The following CHSY1 variants were observed in gnomAD, a reference collection of about 807,000 sequenced individuals.
The protein encoded by CHSY1 is N-acetylgalactosaminyl-proteoglycan 3-beta-glucuronosyltransferase 1.
In CHSY1, 13 loss-of-function variants were observed where a neutral mutation model predicts 59.8. The ratio of observed to expected loss-of-function variants is 0.22; its 90% CI spans 0.14 to 0.35. The LOEUF is 0.35. CHSY1 is among the 10% of genes least tolerant of loss of function. The probability of loss-of-function intolerance (pLI) is 1.00; values close to 1 mark genes in which losing one functional copy is unlikely to be tolerated. For synonymous variants in CHSY1, 459 were observed against 401.2 expected, an observed-to-expected ratio of 1.14 and a Z score of -1.72; for missense variants, 947 against 1,030.6, an observed-to-expected ratio of 0.92 and a Z score of 1.11.
chr15:101,214,604 T>G (rs2038713697), intron 2 of CHSY1, among the ~76,000 whole-genome samples: 1 of 152,218 alleles, frequency 6.6e-6, no homozygotes, highest in Non-Finnish European at 1.5e-5. Flanking sequence ...AGTCCCTATG[T>G]TGGAGGGGGA....
chr15:101,205,544 T>G (rs1209257533), intron 2 of CHSY1, among the ~76,000 whole-genome samples: 1 of 152,222 alleles, frequency 6.6e-6, no homozygotes, highest in African/African-American at 2.4e-5. Context: ...AAGAGTACTG[T>G]GATCACAAAA....
At chr15:101,221,442 G>A (rs116147294) in intron 2 of CHSY1, among the ~76,000 whole-genome samples, 3,150 of 152,196 alleles carry the variant, frequency 0.021, 113 homozygotes, top group African/African-American at 0.072. Context: ...TTGCCCCACT[G>A]CACACTAGTT....
chr15:101,204,451 A>AATAAT (rs889012801), intron 2 of CHSY1, among the ~76,000 whole-genome samples: 36 of 149,390 alleles, frequency 2.4e-4, no homozygotes, highest in Non-Finnish European at 3.4e-4. Flanking sequence ...TAATAATAAT[A>AATAAT]ATAATAATAA....
intron 2 of CHSY1, among the ~76,000 whole-genome samples, chr15:101,218,347 A>G (rs567965901): frequency 6.6e-5 from 10 of 152,112 alleles, no homozygotes; most frequent in African/African-American, 2.2e-4. Flanking sequence ...TGTTAATCCC[A>G]GCCCTTTGGG....
Position 101,251,209 on chromosome 15 carries a change from T to G in CHSY1, c.248A>C (p.Asp83Ala). Residue 83 changes from aspartate to alanine, a missense_variant, in exon 1 of 3, where the codon GAC (aspartate) becomes GCC (alanine). Physicochemically the swap from Asp to Ala is moderately radical, Grantham distance 126. Around this residue, in one of 4 missense-constraint regions of CHSY1, gnomAD observed 232 missense variants for 188.5 expected, o/e 1.23. Coordinates refer to ENST00000254190, the MANE Select transcript of CHSY1 (RefSeq NM_014918.5). ...PGSDPDGGPR[D>A]RNFLFVGVMT... ...GACTCCCACGAAGAGAAAGTTCCTGTCGCGCGGGCCGCCATCTGGGTCCGA... is the reference window on the plus strand; with the variant it reads ...GACTCCCACGAAGAGAAAGTTCCTGGCGCGCGGGCCGCCATCTGGGTCCGA... 1 of 1,596,442 alleles carries G rather than the reference T, an allele frequency of 6.3e-7. No individual in the cohort carries two copies. The highest frequency in any genetic ancestry group is 1.1e-5 in the South Asian group (1 of 89,642).
At chr15:101,208,082 G>A (rs574085686) in intron 2 of CHSY1, among the ~76,000 whole-genome samples, 1 of 152,352 alleles carries the variant, frequency 6.6e-6, no homozygotes, top group South Asian at 2.1e-4. Context: ...TTTCTCAACT[G>A]TCAAATAAAG....
chr15:101,247,268 G>A (rs140377770), intron 1 of CHSY1, among the ~76,000 whole-genome samples: 78 of 152,062 alleles, frequency 5.1e-4, no homozygotes, highest in African/African-American at 1.8e-3. Flanking sequence ...GGGACTTCCC[G>A]GTGCTTCCTT....
At chr15:101,205,733 C>T (rs943664231) in intron 2 of CHSY1, among the ~76,000 whole-genome samples, 1 of 152,106 alleles carries the variant, frequency 6.6e-6, no homozygotes, top group Non-Finnish European at 1.5e-5. Context: ...GGGTGGATCA[C>T]GAGATCAGGA....
chr15:101,233,348 A>C (rs1567105416), intron 2 of CHSY1, among the ~76,000 whole-genome samples: 1 of 152,144 alleles, frequency 6.6e-6, no homozygotes, highest in African/African-American at 2.4e-5. Context: ...ACTTTTAAAA[A>C]TTCTCTCCCG....
chr15:101,233,484 A>G (rs747890551), intron 2 of CHSY1, among the ~76,000 whole-genome samples: 12 of 152,240 alleles, frequency 7.9e-5, no homozygotes, highest in African/African-American at 1.4e-4. Context: ...TGTCAAGGTT[A>G]TAACTACTTT....
At chr15:101,187,974 A>G (rs1407035548) in intron 2 of CHSY1, 1 of 968,666 alleles carries the variant, frequency 1.0e-6, no homozygotes, top group East Asian at 1.1e-4. Context: ...CCCATATCTA[A>G]TCTTTGGTTA....
At chr15:101,217,462 G>A (rs910675604) in intron 2 of CHSY1, among the ~76,000 whole-genome samples, 2 of 152,184 alleles carry the variant, frequency 1.3e-5, no homozygotes, top group Admixed American at 6.5e-5. Flanking sequence ...TAGCACCCAA[G>A]TCTTGCTTTC....
At position 101,178,095 on chromosome 15, in the gene CHSY1, C is replaced by T. The variant is rs866476738; in HGVS notation, c.1702G>A (p.Val568Met). 5.0e-6 allele frequency: 8 copies of T among 1,614,060 alleles called. No individual in the cohort carries two copies. Among genetic ancestry groups the T allele is most frequent in the African/African-American group, 2.7e-5 (2 of 74,912 alleles). Residue 568 changes from valine (V) to methionine (M), a missense_variant, in exon 3 of 3, where the codon GTG becomes ATG. This residue lies in a region of CHSY1 where 602 missense variants were observed against 676.9 expected (regional missense o/e 0.89). Transcript: ENST00000254190. ...CLIPNQNVKLVVLLFNSDSNP... is the reference protein window; with the variant it reads ...CLIPNQNVKLMVLLFNSDSNP... ...GAGTCAGAATTGAAAAGCAGAACCACGAGCTTGACGTTCTGATTGGGGATA... is the reference window on the plus strand; with the variant it reads ...GAGTCAGAATTGAAAAGCAGAACCATGAGCTTGACGTTCTGATTGGGGATA...
chr15:101,204,765 G>C (rs1671309), intron 2 of CHSY1, among the ~76,000 whole-genome samples: 151,672 of 152,150 alleles, frequency 1, 75,600 homozygotes, highest in Middle Eastern at 1. Flanking sequence ...ATTAGCTGGG[G>C]ATGGTGGCAC....
At chr15:101,184,969 T>TA (rs1171373218) in intron 2 of CHSY1, among the ~76,000 whole-genome samples, 19 of 152,210 alleles carry the variant, frequency 1.2e-4, no homozygotes, top group Non-Finnish European at 2.5e-4. Flanking sequence ...TCTCCCTTTC[T>TA]AAAAGAGGGT....
chr15:101,193,453 T>A (rs2038470637), intron 2 of CHSY1, among the ~76,000 whole-genome samples: 2 of 151,622 alleles, frequency 1.3e-5, no homozygotes, highest in South Asian at 4.2e-4. Flanking sequence ...CATTCATTTC[T>A]TCCCCTGGGC....
At chr15:101,245,874 C>G (rs116286371) in intron 1 of CHSY1, among the ~76,000 whole-genome samples, 227 of 152,276 alleles carry the variant, frequency 1.5e-3, no homozygotes, top group Middle Eastern at 0.01. Flanking sequence ...CATGGAAAAG[C>G]CTTCTGTATA....
chr15:101,214,681 T>C (rs971919881), intron 2 of CHSY1, among the ~76,000 whole-genome samples: 139 of 136,994 alleles, frequency 1.0e-3, no homozygotes, highest in African/African-American at 3.5e-3. Context: ...GGCTGGATCA[T>C]GGAGGTGGAT....
At chr15:101,243,898 G>A (rs191940581) in intron 1 of CHSY1, among the ~76,000 whole-genome samples, 4 of 152,106 alleles carry the variant, frequency 2.6e-5, no homozygotes, top group East Asian at 3.9e-4. Flanking sequence ...CAAACACGCC[G>A]AGCAAAGTGT....
Sources: gnomAD v4.1 joint callset for allele counts (sites outside exome capture counted in the v4.1 genomes callset) on GRCh38, gnomAD v4.1.1 for gene constraint, gnomAD v4.1.1 regional missense constraint, MANE v1.5 for transcripts, NCBI Gene and HGNC (gene_info 2026-07-23, HGNC 2026-07-21) for gene names.